CUBN: variants seen among roughly 807,000 people sequenced by gnomAD.
The protein encoded by CUBN is cubilin, also known as 460 kDa receptor.
In CUBN, 282 loss-of-function variants were observed where a neutral mutation model predicts 405.3. That is an observed-to-expected ratio of 0.70 (90% CI 0.63 to 0.77). The LOEUF is 0.77. Among genes scored for constraint, CUBN ranks in the 30% least tolerant of loss-of-function variants. The pLI is 0.00. For synonymous variants in CUBN, 1,684 were observed against 1,617.0 expected, an observed-to-expected ratio of 1.04 and a Z score of -0.99; for missense variants, 4,514 against 4,475.2, an observed-to-expected ratio of 1.01 and a Z score of -0.25.
chr10:16,825,208 T>C, intron 66 of CUBN, 126 bp from the exon 67 acceptor site: 1 of 671,736 alleles, frequency 1.5e-6, no homozygotes, highest in Non-Finnish European at 2.6e-6. Context: ...AACCTGCATA[T>C]ATTTCTTGAA....
At chr10:16,883,231 T>C (rs1002430678) in intron 56 of CUBN, among the ~76,000 whole-genome samples, 13 of 152,102 alleles carry the variant, frequency 8.5e-5, no homozygotes, top group Non-Finnish European at 1.5e-5. Flanking sequence ...GGAGGCATGA[T>C]TCAGAGGAGG....
rs374417889 is a variant in CUBN at position 16,933,123 on chromosome 10, G to A, written c.6088C>T (p.Arg2030Ter). 31 of 1,613,998 alleles carry A rather than the reference G, an allele frequency of 1.9e-5. 1 individual carries two copies. Among genetic ancestry groups the A allele is most frequent in the East Asian group, 8.9e-5 (4 of 44,874 alleles). The change falls in exon 40 of 67, where the codon CGA becomes TGA. Residue 2030 changes from arginine to a stop codon, truncating the protein, a stop_gained. Coordinates refer to ENST00000377833, the MANE Select transcript of CUBN (RefSeq NM_001081.4). LOFTEE classifies it high-confidence loss of function. ...ACAAGGCTATCATAGGCACACGTTC[G>A]GTGAGATTCAATGTCCAGGGAAAGA... is the stretch of plus-strand genomic sequence containing the variant. ...NILSLDIESH[R>*]TCAYDSLVIR...
chr10:16,891,722 C>T (rs573234396), intron 54 of CUBN, among the ~76,000 whole-genome samples: 1 of 143,360 alleles, frequency 7.0e-6, no homozygotes, highest in Non-Finnish European at 1.6e-5. Flanking sequence ...GGGAAAAAAA[C>T]CCCAAAAACA....
At position 16,841,053 on chromosome 10, in the gene CUBN, A is replaced by G; in HGVS notation, c.9664-6T>C. The G allele has an allele frequency of 3.1e-6, 5 of 1,613,866 alleles. No homozygotes were observed. The highest frequency in any genetic ancestry group is 4.2e-6 in the Non-Finnish European group (5 of 1,179,858). On this transcript the variant is annotated splice_region_variant and splice_polypyrimidine_tract_variant and intron_variant, in intron 60 of 66. Transcript: ENST00000377833. ...TCACTATCCCCATCATATAACTGAGAAGAAAAACAATTCATTACTTCTCCA... is the reference window on the plus strand; with the variant it reads ...TCACTATCCCCATCATATAACTGAGGAGAAAAACAATTCATTACTTCTCCA...
intron 17 of CUBN, among the ~76,000 whole-genome samples, chr10:17,080,274 T>C (rs1016628630): frequency 6.6e-6 from 1 of 152,218 alleles, no homozygotes; most frequent in Non-Finnish European, 1.5e-5. Context: ...TTATGTTATA[T>C]TGTGAAGAGA....
chr10:17,098,642 T>C (rs1460737605), intron 14 of CUBN, among the ~76,000 whole-genome samples: 2 of 152,184 alleles, frequency 1.3e-5, no homozygotes, highest in East Asian at 3.8e-4. Context: ...ATATCCTTCA[T>C]TCACACATGA....
intron 39 of CUBN, among the ~76,000 whole-genome samples, chr10:16,936,842 G>A (rs887311540): frequency 3.3e-5 from 5 of 151,900 alleles, no homozygotes; most frequent in Admixed American, 6.6e-5. Flanking sequence ...TCAGCCTCCC[G>A]AGTAGCTGAG....
At chr10:16,909,075 C>T (rs1213740490) in intron 48 of CUBN, among the ~76,000 whole-genome samples, 4 of 150,848 alleles carry the variant, frequency 2.7e-5, no homozygotes, top group African/African-American at 7.3e-5. Flanking sequence ...TTAGTAGAGA[C>T]GGGGTTTCAC....
chr10:16,933,648 CGT>C (rs1842422174), intron 39 of CUBN, among the ~76,000 whole-genome samples: 1 of 151,720 alleles, frequency 6.6e-6, no homozygotes, highest in Non-Finnish European at 1.5e-5. Flanking sequence ...ATCATTTTTG[CGT>C]AGTTACTTTT....
At chr10:16,901,889 GTA>G (rs67084462) in intron 51 of CUBN, among the ~76,000 whole-genome samples, 6,917 of 108,848 alleles carry the variant, frequency 0.064, 258 homozygotes, top group Non-Finnish European at 0.077. Flanking sequence ...ACCATATATA[GTA>G]TATATATATA....
chr10:17,039,344 A>G (rs1230538242), intron 27 of CUBN, among the ~76,000 whole-genome samples: 1 of 152,224 alleles, frequency 6.6e-6, no homozygotes, highest in Non-Finnish European at 1.5e-5. Flanking sequence ...GACTGATACT[A>G]AAATATGGCT....
rs1356505265 is a variant in CUBN at position 16,954,318 on chromosome 10, C to T, written c.4855+71G>A. ...GTGATCAATTTCTGAGCACAGGTCTCATTTCACTGTTGCACCAAACAGAGC... is the reference window on the plus strand; with the variant it reads ...GTGATCAATTTCTGAGCACAGGTCTTATTTCACTGTTGCACCAAACAGAGC... On this transcript the variant is annotated intron_variant, in intron 32 of 66. Transcript: ENST00000377833. The T allele has an allele frequency of 7.1e-6, 11 of 1,543,900 alleles. No individual in the cohort carries two copies. The East Asian group carries it at 2.2e-4, about 32-fold the overall frequency.
chr10:16,908,073 A>G (rs1342846264), intron 48 of CUBN, among the ~76,000 whole-genome samples: 1 of 152,300 alleles, frequency 6.6e-6, no homozygotes, highest in South Asian at 2.1e-4. Context: ...CTTGGAAGGG[A>G]AGCTTAAATA....
chr10:17,116,040 C>T (rs1045504320), intron 6 of CUBN, among the ~76,000 whole-genome samples: 3 of 152,196 alleles, frequency 2.0e-5, no homozygotes, highest in Non-Finnish European at 4.4e-5. Context: ...GATTATATAA[C>T]CCCACACGCA....
At chr10:16,844,334 T>C (rs1413233942) in intron 60 of CUBN, among the ~76,000 whole-genome samples, 1 of 148,930 alleles carries the variant, frequency 6.7e-6, no homozygotes, top group Non-Finnish European at 1.5e-5. Flanking sequence ...CAGACAGTAA[T>C]AAATGCCAGG....
At chr10:16,986,710 G>A (rs1833437494) in intron 29 of CUBN, among the ~76,000 whole-genome samples, 1 of 152,228 alleles carries the variant, frequency 6.6e-6, no homozygotes, top group South Asian at 2.1e-4. Context: ...TGCATGGTGT[G>A]TAGAGCCAGC....
In CUBN at chr10:17,071,531, T is replaced by C; in HGVS notation, c.2520A>G (p.Arg840=). 1 of 1,613,994 alleles carries C rather than the reference T, an allele frequency of 6.2e-7. No homozygotes were observed. The highest frequency in any genetic ancestry group is 1.1e-5 in the South Asian group (1 of 91,074). ...GCTGGTGGATGGTCCACCTACAGGT[T>C]CTTTCTCCAGGATACACGTTAGGAA... ...PFFPNVYPGE[R]TCRWTIHQPQ... is the part of the protein sequence containing the mutation. Residue 840 remains arginine, a synonymous_variant, in exon 19 of 67, where the codon AGA becomes AGG. Coordinates refer to ENST00000377833, the MANE Select transcript of CUBN (RefSeq NM_001081.4).
Position 17,089,697 on chromosome 10 carries a change from A to G in CUBN, c.1766-1352T>C, listed in dbSNP as rs1461385942. Among the ~76,000 whole-genome samples the G allele has an allele frequency of 2.0e-5, 3 of 152,222 alleles. No homozygotes were observed. The East Asian group carries it at 5.8e-4, about 29-fold the overall frequency. On this transcript the variant is annotated intron_variant, in intron 14 of 66. Coordinates refer to ENST00000377833, the MANE Select transcript of CUBN (RefSeq NM_001081.4). ...TAAGAGAATATAGCAATACCTAGCA[A>G]AAACCTATGCATTTCATTTTCTTTT...
intron 28 of CUBN, among the ~76,000 whole-genome samples, chr10:16,997,616 C>T (rs1031268099): frequency 3.3e-5 from 5 of 151,966 alleles, no homozygotes; most frequent in Admixed American, 6.6e-5. Context: ...GCCTCACTTC[C>T]GATACATCTA....
Sources: allele counts gnomAD v4.1 joint callset (sites outside exome capture counted in the v4.1 genomes callset), GRCh38; gene constraint gnomAD v4.1.1; transcripts MANE v1.5; gene names NCBI Gene and HGNC (gene_info 2026-07-23, HGNC 2026-07-21).